The following NHS variants were observed in gnomAD, a reference collection of about 807,000 sequenced individuals.
NHS encodes actin remodeling regulator NHS.
NHS carries 5 observed loss-of-function variants against 72.5 expected under a neutral mutation model. The ratio of observed to expected loss-of-function variants is 0.07; its 90% CI spans 0.04 to 0.14. NHS has a LOEUF of 0.14. Ranked by LOEUF, NHS falls within the 10% of genes least tolerant of loss-of-function variation. NHS has a pLI of 1.00. For synonymous variants in NHS, 464 were observed against 547.7 expected (o/e 0.85, Z 2.13); for missense variants, 1,072 against 1,355.7 (o/e 0.79, Z 3.29).
At chrX:17,392,939 C>T (rs2064452418) in intron 1 of NHS, among the ~76,000 whole-genome samples, 1 of 112,106 alleles carries the variant, frequency 8.9e-6, no homozygotes, top group Non-Finnish European at 1.9e-5. Context: ...GTTTTGGAAT[C>T]ATATAGTATG....
At chrX:17,715,803 C>A (rs1040541246) in intron 3 of NHS, among the ~76,000 whole-genome samples, 1 of 111,201 alleles carries the variant, frequency 9.0e-6, no homozygotes, top group Non-Finnish European at 1.9e-5. Flanking sequence ...ATGCGGAGGG[C>A]CCTCTAAAAT....
At chrX:17,705,225 CG>C (rs1330230864) in intron 3 of NHS, 2 of 111,776 alleles carry the variant, frequency 1.8e-5, no homozygotes, top group African/African-American at 3.3e-5. Flanking sequence ...TTTTGGGAGA[CG>C]GGGCATGATG....
chrX:17,375,574 G>T lies in NHS; in HGVS notation c.-184G>T, dbSNP rs2064340841. The T allele has an allele frequency of 6.5e-6, 3 of 459,672 alleles. No individual in the cohort carries two copies. The South Asian group carries it at 9.7e-5, about 15-fold the overall frequency. 37.9% of individuals were successfully genotyped at this position (459,672 alleles called of 1,213,427 possible). A position where few individuals can be genotyped will look rare whatever the true frequency, so the allele number is the denominator to read the frequency against. On this transcript the variant is annotated 5_prime_UTR_variant, in exon 1 of 9. Transcript: ENST00000676302. ...CACCCAAAGGAGGACTGGCTGGACTGATTTGCTAGGGAGAGGGCGGGGAAG... is the reference window on the plus strand; with the variant it reads ...CACCCAAAGGAGGACTGGCTGGACTTATTTGCTAGGGAGAGGGCGGGGAAG...
chrX:17,630,025 T>A (rs1471602599), intron 1 of NHS, among the ~76,000 whole-genome samples: 1 of 107,663 alleles, frequency 9.3e-6, no homozygotes, highest in Non-Finnish European at 1.9e-5. Context: ...AATCGCCAGG[T>A]GGCCAGATTC....
intron 1 of NHS, among the ~76,000 whole-genome samples, chrX:17,623,522 G>T (rs903004695): frequency 2.7e-5 from 3 of 110,977 alleles, no homozygotes; most frequent in Non-Finnish European, 5.7e-5. Context: ...GCTAGGCTAG[G>T]AGATGTAGCT....
At chrX:17,415,613 A>G (rs2064589715) in intron 1 of NHS, among the ~76,000 whole-genome samples, 2 of 112,043 alleles carry the variant, frequency 1.8e-5, no homozygotes, top group Admixed American at 9.5e-5. Flanking sequence ...ACCTACAGAA[A>G]CATGCTGGGG....
intron 1 of NHS, among the ~76,000 whole-genome samples, chrX:17,637,013 G>A (rs1363296431): frequency 9.0e-6 from 1 of 111,684 alleles, no homozygotes; most frequent in African/African-American, 3.3e-5. Context: ...CTCTGGGAGT[G>A]GGTCCCGATA....
chrX:17,678,457 G>A (rs2066100633), intron 1 of NHS, among the ~76,000 whole-genome samples: 1 of 111,919 alleles, frequency 8.9e-6, no homozygotes, highest in African/African-American at 3.3e-5. Context: ...GGAGGCCTCA[G>A]GGAGCTTTTA....
chrX:17,649,248 TTTGAGTTG>T (rs1452373989), intron 1 of NHS, among the ~76,000 whole-genome samples: 2 of 112,308 alleles, frequency 1.8e-5, no homozygotes, highest in African/African-American at 6.5e-5. Flanking sequence ...TATTCACATT[TTTGAGTTG>T]TGCATAGCTT....
At chrX:17,554,144 G>A (rs951687207) in intron 1 of NHS, among the ~76,000 whole-genome samples, 1 of 112,273 alleles carries the variant, frequency 8.9e-6, no homozygotes, top group South Asian at 3.7e-4. Context: ...AGCGCAGCAT[G>A]TCCATATTTG....
At chrX:17,439,163 C>T (rs376657549) in intron 1 of NHS, among the ~76,000 whole-genome samples, 1 of 109,444 alleles carries the variant, frequency 9.1e-6, no homozygotes, top group East Asian at 2.9e-4. Flanking sequence ...CCTAAGGTCA[C>T]CTTCTGCTCT....
intron 1 of NHS, among the ~76,000 whole-genome samples, chrX:17,380,018 G>C (rs2064368299): frequency 1.8e-5 from 2 of 111,819 alleles, no homozygotes; most frequent in Admixed American, 9.5e-5. Context: ...CTTGGAGCTA[G>C]ACACAGTGAA....
In NHS at chrX:17,389,552, CA is replaced by C. The variant is rs1228093969; in HGVS notation, c.565+13231del. On this transcript the variant is annotated intron_variant, in intron 1 of 8. Transcript: ENST00000676302. ...GATAAAAATCTAGCCTCAGAGGTGCCAGGGGTAACTTAGAAGTAGGAGCCTT... is the reference window on the plus strand; with the variant it reads ...GATAAAAATCTAGCCTCAGAGGTGCCGGGGTAACTTAGAAGTAGGAGCCTT... Among the ~76,000 whole-genome samples, 4 of 110,389 alleles carry C rather than the reference CA, an allele frequency of 3.6e-5. No homozygotes were observed. In the East Asian group the frequency reaches 1.1e-3, roughly 31 times the overall value.
intron 3 of NHS, among the ~76,000 whole-genome samples, chrX:17,698,395 G>A (rs960541376): frequency 2.7e-5 from 3 of 111,817 alleles, no homozygotes; most frequent in Admixed American, 9.5e-5. Flanking sequence ...CAGAATTGGC[G>A]TCATTAGAAT....
intron 1 of NHS, among the ~76,000 whole-genome samples, chrX:17,681,948 G>C (rs1321871151): frequency 9.0e-6 from 1 of 111,327 alleles, no homozygotes; most frequent in African/African-American, 3.3e-5. Context: ...CTCATCCATA[G>C]TGGGGAACAA....
chrX:17,715,667 G>A lies in NHS; in HGVS notation c.853-3677G>A, dbSNP rs766662115. ...TATATGGGTAAACTTGTGTCATGGG[G>A]GTTTGTTGTACAGATTATTTTGTCA... On this transcript the variant is annotated intron_variant, in intron 3 of 8. Coordinates refer to ENST00000676302, the MANE Select transcript of NHS (RefSeq NM_001291867.2). Among the ~76,000 whole-genome samples, 12 of 110,955 alleles carry A rather than the reference G, an allele frequency of 1.1e-4. No homozygotes were observed. In the East Asian group the frequency reaches 2.8e-3, roughly 26 times the overall value.
rs140608341 is a variant in NHS at position 17,507,109 on chromosome X, C to T, written c.565+130787C>T. The stretch of plus-strand genomic sequence containing the variant: ...TTGTATTACAATCCCATTGGCCAGT[C>T]TTATTAGGCTTCTTGCTAAAGCAAA... On this transcript the variant is annotated intron_variant, in intron 1 of 8. Transcript: ENST00000676302. Among the ~76,000 whole-genome samples, 375 of 112,554 alleles carry T rather than the reference C, an allele frequency of 3.3e-3. 1 individual carries two copies. Among genetic ancestry groups the T allele is most frequent in the African/African-American group, 0.012 (365 of 30,988 alleles).
chrX:17,493,863 C>A (rs763375911), intron 1 of NHS, among the ~76,000 whole-genome samples: 106 of 110,794 alleles, frequency 9.6e-4, no homozygotes, highest in African/African-American at 3.3e-3. Flanking sequence ...AAGAGCTTTC[C>A]GCTGACTTCC....
chrX:17,435,940 C>T lies in NHS; in HGVS notation c.565+59618C>T, dbSNP rs1024194841. Reference sequence around the variant, plus strand: ...TTGGCAGGACTCATGCTGCCTTCCCCAGGCCACATTGTTTTGCTCATGTGT... The same window carrying T: ...TTGGCAGGACTCATGCTGCCTTCCCTAGGCCACATTGTTTTGCTCATGTGT... On this transcript the variant is annotated intron_variant, in intron 1 of 8. Transcript: ENST00000676302. Among the ~76,000 whole-genome samples the T allele has an allele frequency of 2.7e-5, 3 of 111,902 alleles. No individual in the cohort carries two copies. The Admixed American group carries it at 2.8e-4, about 11-fold the overall frequency.
Sources: allele counts gnomAD v4.1 joint callset (sites outside exome capture counted in the v4.1 genomes callset), GRCh38; gene constraint gnomAD v4.1.1; transcripts MANE v1.5; gene names NCBI Gene and HGNC (gene_info 2026-07-23, HGNC 2026-07-21).